Variants in SH3RF3 observed in about 807,000 individuals in gnomAD.
The protein encoded by SH3RF3 is E3 ubiquitin-protein ligase SH3RF3.
Under a neutral mutation model 66.3 loss-of-function variants are expected in SH3RF3, and 29 were observed. The ratio of observed to expected loss-of-function variants is 0.44; its 90% CI spans 0.33 to 0.60. The LOEUF is 0.60. Among genes scored for constraint, SH3RF3 ranks in the 20% least tolerant of loss-of-function variants. The pLI is 0.04. For missense variants in SH3RF3, 1,194 were observed against 1,190.9 expected, an observed-to-expected ratio of 1.00 and a Z score of -0.04; for synonymous variants, 583 against 532.0, an observed-to-expected ratio of 1.10 and a Z score of -1.32.
Position 109,339,206 on chromosome 2 carries a change from T to C in SH3RF3, c.574-8468T>C, listed in dbSNP as rs116205725. On this transcript the variant is annotated intron_variant, in intron 1 of 9. Coordinates refer to ENST00000309415, the MANE Select transcript of SH3RF3 (RefSeq NM_001099289.3). ...AAGGGAGGCACACTCGGTATAACTT[T>C]TATTGAAAAAAATCCACGTATAAGT... is the stretch of plus-strand genomic sequence containing the variant. Among the ~76,000 whole-genome samples the C allele has an allele frequency of 4.1e-3, 629 of 151,660 alleles. 3 individuals are homozygous for C. Among genetic ancestry groups the C allele is most frequent in the African/African-American group, 0.015 (600 of 41,330 alleles).
chr2:109,144,179 A>G (rs796550968), intron 1 of SH3RF3, among the ~76,000 whole-genome samples: 2 of 152,242 alleles, frequency 1.3e-5, no homozygotes, highest in South Asian at 4.1e-4. Context: ...CTTTGCTAAA[A>G]GAATAGATTT....
At chr2:109,343,621 AGTAC>A in intron 1 of SH3RF3, among the ~76,000 whole-genome samples, 1 of 152,216 alleles carries the variant, frequency 6.6e-6, no homozygotes, top group East Asian at 1.9e-4. Flanking sequence ...TCATGCTCTC[AGTAC>A]CAGACTCGAG....
intron 2 of SH3RF3, among the ~76,000 whole-genome samples, chr2:109,349,243 G>C (rs1682788512): frequency 6.6e-6 from 1 of 152,208 alleles, no homozygotes; most frequent in South Asian, 2.1e-4. Flanking sequence ...CCTGCGTACA[G>C]CTGCTATTTA....
At chr2:109,350,917 C>T (rs1398411490) in intron 2 of SH3RF3, among the ~76,000 whole-genome samples, 2 of 152,224 alleles carry the variant, frequency 1.3e-5, no homozygotes, top group African/African-American at 4.8e-5. Flanking sequence ...TGCCTTTATA[C>T]AGCATCACTG....
chr2:109,129,347 GC>G lies in SH3RF3; in HGVS notation c.-192del, dbSNP rs1676619488. ...CGGCTGGCCGGTCCCCGCCACGCAG[GC>G]CGGTCCCCGCCACGCAGGCCGGTCG... On this transcript the variant is annotated 5_prime_UTR_variant, in exon 1 of 10. Transcript: ENST00000309415. 2 of 807,148 alleles carry G rather than the reference GC, an allele frequency of 2.5e-6. No individual in the cohort carries two copies. Among genetic ancestry groups the G allele is most frequent in the African/African-American group, 3.6e-5 (2 of 55,814 alleles). 50.0% of individuals were successfully genotyped at this position (807,148 alleles called of 1,614,324 possible).
At chr2:109,408,898 G>A (rs1319174635) in intron 4 of SH3RF3, among the ~76,000 whole-genome samples, 1 of 152,228 alleles carries the variant, frequency 6.6e-6, no homozygotes, top group Non-Finnish European at 1.5e-5. Context: ...GAGGCAACAG[G>A]CGAGTGAGAG....
intron 3 of SH3RF3, among the ~76,000 whole-genome samples, chr2:109,384,657 T>G (rs1351514565): frequency 6.6e-6 from 1 of 152,158 alleles, no homozygotes; most frequent in Non-Finnish European, 1.5e-5. Context: ...GTCCATAGAC[T>G]CCTCCTGACC....
chr2:109,419,661 C>G lies in SH3RF3; in HGVS notation c.1403+19C>G, dbSNP rs1408772235. On this transcript the variant is annotated intron_variant, in intron 5 of 9. Coordinates refer to ENST00000309415, the MANE Select transcript of SH3RF3 (RefSeq NM_001099289.3). Reference sequence around the variant, plus strand: ...TCAACGTGTGAGCTGCCCTTTGTGTCTGTCGGGGTCCTGTGCCTGCAGCCC... The same window carrying G: ...TCAACGTGTGAGCTGCCCTTTGTGTGTGTCGGGGTCCTGTGCCTGCAGCCC... 2 of 1,555,066 alleles carry G rather than the reference C, an allele frequency of 1.3e-6. No homozygotes were observed. The highest frequency in any genetic ancestry group is 2.7e-5 in the African/African-American group (2 of 73,786).
At chr2:109,256,151 C>T (rs1680216506) in intron 1 of SH3RF3, among the ~76,000 whole-genome samples, 1 of 152,146 alleles carries the variant, frequency 6.6e-6, no homozygotes, top group Non-Finnish European at 1.5e-5. Flanking sequence ...CCGCTGTGAC[C>T]CAGCACCTGG....
At chr2:109,216,544 A>G (rs17035165) in intron 1 of SH3RF3, among the ~76,000 whole-genome samples, 4,780 of 152,286 alleles carry the variant, frequency 0.031, 215 homozygotes, top group African/African-American at 0.1. Context: ...TGATACAGAA[A>G]GTCAGCAGAG....
intron 1 of SH3RF3, among the ~76,000 whole-genome samples, chr2:109,260,800 C>T (rs1488942416): frequency 6.6e-6 from 1 of 152,182 alleles, no homozygotes; most frequent in Non-Finnish European, 1.5e-5. Context: ...AACCAAGTTC[C>T]TAAGTGCATG....
At chr2:109,388,160 T>C (rs1316528163) in intron 3 of SH3RF3, among the ~76,000 whole-genome samples, 2 of 152,224 alleles carry the variant, frequency 1.3e-5, no homozygotes, top group Non-Finnish European at 2.9e-5. Flanking sequence ...AGGTCACTTA[T>C]GTCCTTTTGG....
In SH3RF3 at chr2:109,258,057, G is replaced by C. The variant is rs533176647; in HGVS notation, c.574-89617G>C. Among the ~76,000 whole-genome samples the C allele has an allele frequency of 5.3e-5, 8 of 152,286 alleles. No individual in the cohort carries two copies. The South Asian group carries it at 1.7e-3, about 32-fold the overall frequency. On this transcript the variant is annotated intron_variant, in intron 1 of 9. Coordinates refer to ENST00000309415, the MANE Select transcript of SH3RF3 (RefSeq NM_001099289.3). The stretch of plus-strand genomic sequence containing the variant: ...ACTTTCTTATTTGCTGACCCTCACA[G>C]CCCTGCCATCCCTGGGCTACCAGGC...
At chr2:109,202,840 T>G (rs529122616) in intron 1 of SH3RF3, among the ~76,000 whole-genome samples, 8 of 152,222 alleles carry the variant, frequency 5.3e-5, no homozygotes, top group Non-Finnish European at 1.2e-4. Context: ...GGCCCAACTT[T>G]AAGTGTTGCA....
intron 1 of SH3RF3, among the ~76,000 whole-genome samples, chr2:109,172,131 TG>T (rs1677798665): frequency 6.6e-6 from 1 of 152,116 alleles, no homozygotes; most frequent in African/African-American, 2.4e-5. Context: ...GCAGAGCGGG[TG>T]GGGAGCAGGT....
chr2:109,253,956 A>G (rs983443961), intron 1 of SH3RF3, among the ~76,000 whole-genome samples: 1 of 151,938 alleles, frequency 6.6e-6, no homozygotes, highest in Non-Finnish European at 1.5e-5. Flanking sequence ...AGGCTGTCAA[A>G]TGTATTGGGA....
intron 4 of SH3RF3, among the ~76,000 whole-genome samples, chr2:109,410,033 C>T (rs752681808): frequency 6.6e-6 from 1 of 152,192 alleles, no homozygotes; most frequent in Non-Finnish European, 1.5e-5. Context: ...AACGCCCAGA[C>T]CCTCTTTTTT....
intron 8 of SH3RF3, among the ~76,000 whole-genome samples, chr2:109,454,513 G>C (rs1048431045): frequency 2.0e-5 from 3 of 152,218 alleles, no homozygotes; most frequent in Non-Finnish European, 4.4e-5. Flanking sequence ...AGTCCACACG[G>C]TGAGAGCGCT....
chr2:109,442,529 A>G (rs900014065), intron 7 of SH3RF3, among the ~76,000 whole-genome samples: 7 of 152,164 alleles, frequency 4.6e-5, no homozygotes, highest in Non-Finnish European at 1.0e-4. Flanking sequence ...AAAGCAATCT[A>G]GTTTGGGATT....
Sources: gnomAD v4.1 joint callset for allele counts (sites outside exome capture counted in the v4.1 genomes callset) on GRCh38, gnomAD v4.1.1 for gene constraint, MANE v1.5 for transcripts, NCBI Gene and HGNC (gene_info 2026-07-23, HGNC 2026-07-21) for gene names.